SNX29: variants seen among roughly 807,000 people sequenced by gnomAD.
SNX29 encodes the protein sorting nexin 29.
A neutral mutation model predicts 102.1 loss-of-function variants in SNX29; 78 were observed. That is an observed-to-expected ratio of 0.76 (90% CI 0.64 to 0.92). The LOEUF is 0.92. Ranked by LOEUF, SNX29 falls within the 40% of genes least tolerant of loss-of-function variation. The pLI, the probability that SNX29 is intolerant of heterozygous loss-of-function variation, is 0.00. For missense variants in SNX29, 1,280 were observed against 1,061.7 expected, an observed-to-expected ratio of 1.21 and a Z score of -2.86; for synonymous variants, 580 against 414.5, an observed-to-expected ratio of 1.40 and a Z score of -4.85.
intron 18 of SNX29, among the ~76,000 whole-genome samples, chr16:12,420,932 C>G (rs1196516237): frequency 6.6e-6 from 1 of 152,204 alleles, no homozygotes; most frequent in East Asian, 1.9e-4. Flanking sequence ...CGCAGTTTGA[C>G]AGCAAGATGG....
chr16:11,978,030 C>T (rs961855446), intron 1 of SNX29, among the ~76,000 whole-genome samples: 2 of 152,134 alleles, frequency 1.3e-5, no homozygotes, highest in Non-Finnish European at 2.9e-5. Flanking sequence ...ATACTGCTGT[C>T]TTCAATTTTA....
chr16:12,378,343 A>C (rs1325098193), intron 16 of SNX29, among the ~76,000 whole-genome samples: 2 of 152,128 alleles, frequency 1.3e-5, no homozygotes, highest in Non-Finnish European at 2.9e-5. Flanking sequence ...CTTTAAAACA[A>C]CCAGCTCTTG....
At chr16:12,512,760 C>A (rs79102140) in intron 19 of SNX29, among the ~76,000 whole-genome samples, 4,605 of 152,192 alleles carry the variant, frequency 0.03, 152 homozygotes, top group East Asian at 0.17. Flanking sequence ...CTCACAGGGC[C>A]TGGCACAGAA....
chr16:12,450,294 G>C (rs1361156836), intron 18 of SNX29, among the ~76,000 whole-genome samples: 4 of 152,214 alleles, frequency 2.6e-5, no homozygotes, highest in Non-Finnish European at 5.9e-5. Context: ...AGAGGGGCAG[G>C]GTGCAGGGAA....
At chr16:12,440,145 G>A (rs1217917026) in intron 18 of SNX29, among the ~76,000 whole-genome samples, 2 of 152,200 alleles carry the variant, frequency 1.3e-5, no homozygotes, top group Non-Finnish European at 2.9e-5. Context: ...CCCAGAGCAG[G>A]AGTCAGCACC....
intron 19 of SNX29, among the ~76,000 whole-genome samples, chr16:12,491,417 C>G (rs534001693): frequency 1.3e-5 from 2 of 152,328 alleles, no homozygotes; most frequent in East Asian, 3.9e-4. Flanking sequence ...GTTTCACATT[C>G]ACAACAGCAC....
chr16:12,136,730 T>TG (rs2054675374), intron 13 of SNX29, among the ~76,000 whole-genome samples: 8 of 119,132 alleles, frequency 6.7e-5, no homozygotes, highest in Non-Finnish European at 1.3e-4. Context: ...TTAGGAAAGG[T>TG]TTTTGTTGTT....
chr16:12,267,944 C>T (rs2078977107), intron 14 of SNX29, among the ~76,000 whole-genome samples: 2 of 152,172 alleles, frequency 1.3e-5, no homozygotes, highest in South Asian at 2.1e-4. Flanking sequence ...CTCCCTCCTC[C>T]ATTATCCTTT....
At chr16:12,540,256 G>C (rs7499091) in intron 20 of SNX29, among the ~76,000 whole-genome samples, 66,398 of 151,870 alleles carry the variant, frequency 0.44, 14,983 homozygotes, top group East Asian at 0.57. Flanking sequence ...CACCCCCAGC[G>C]TAAGGTCAAG....
chr16:12,317,993 C>CT (rs2080807407), intron 15 of SNX29, among the ~76,000 whole-genome samples: 1 of 152,250 alleles, frequency 6.6e-6, no homozygotes, highest in Admixed American at 6.5e-5. Flanking sequence ...ACAGCCTTGG[C>CT]TGAGGCGGTG....
At chr16:12,413,038 C>T (rs2084470380) in intron 18 of SNX29, among the ~76,000 whole-genome samples, 1 of 152,176 alleles carries the variant, frequency 6.6e-6, no homozygotes, top group Non-Finnish European at 1.5e-5. Context: ...GAGGTTAGAG[C>T]ATGTTGTCAC....
intron 18 of SNX29, among the ~76,000 whole-genome samples, chr16:12,461,546 G>C (rs2086775377): frequency 6.6e-6 from 1 of 152,104 alleles, no homozygotes; most frequent in South Asian, 2.1e-4. Flanking sequence ...TGGTGCTGAG[G>C]CTGCAGGGTG....
intron 14 of SNX29, among the ~76,000 whole-genome samples, chr16:12,228,123 A>G (rs528299486): frequency 6.6e-6 from 1 of 152,238 alleles, no homozygotes; most frequent in South Asian, 2.1e-4. Context: ...AAAGAAAAGG[A>G]GAATGTCAGA....
intron 20 of SNX29, among the ~76,000 whole-genome samples, chr16:12,558,841 G>A (rs1233703290): frequency 6.6e-6 from 1 of 152,204 alleles, no homozygotes; most frequent in Non-Finnish European, 1.5e-5. Flanking sequence ...GTCACCAAGA[G>A]CCACAAGAGG....
At chr16:12,518,147 A>G (rs1158643527) in intron 19 of SNX29, among the ~76,000 whole-genome samples, 1 of 152,190 alleles carries the variant, frequency 6.6e-6, no homozygotes, top group Non-Finnish European at 1.5e-5. Context: ...TTCCAACTGC[A>G]GAGGGTCGTG....
At chr16:12,422,425 A>G (rs546431147) in intron 18 of SNX29, among the ~76,000 whole-genome samples, 2 of 152,340 alleles carry the variant, frequency 1.3e-5, no homozygotes, top group African/African-American at 4.8e-5. Flanking sequence ...GGGGTGGGGC[A>G]GACTTGGTAA....
intron 11 of SNX29, among the ~76,000 whole-genome samples, chr16:12,110,704 G>C (rs1347652390): frequency 6.6e-6 from 1 of 152,174 alleles, no homozygotes; most frequent in Non-Finnish European, 1.5e-5. Context: ...CCAACCTCTG[G>C]ACTACAGCAG....
intron 15 of SNX29, among the ~76,000 whole-genome samples, chr16:12,348,008 G>A (rs997792118): frequency 1.3e-5 from 2 of 152,166 alleles, no homozygotes; most frequent in East Asian, 1.9e-4. Context: ...GAACCCAGGA[G>A]GTCGAGGCTG....
chr16:12,246,183 A>G (rs1343404258), intron 14 of SNX29, among the ~76,000 whole-genome samples: 1 of 152,122 alleles, frequency 6.6e-6, no homozygotes, highest in Non-Finnish European at 1.5e-5. Context: ...AGGCTGATGT[A>G]TATTAACATG....
Sources: allele counts gnomAD v4.1 joint callset (sites outside exome capture counted in the v4.1 genomes callset), GRCh38; gene constraint gnomAD v4.1.1; transcripts MANE v1.5; gene names NCBI Gene and HGNC (gene_info 2026-07-23, HGNC 2026-07-21).